GDPD4: variants seen among roughly 807,000 people sequenced by gnomAD.
GDPD4 encodes the protein glycerophosphodiester phosphodiesterase 6.
In GDPD4, 60 loss-of-function variants were observed where a neutral mutation model predicts 67.8. That is an observed-to-expected ratio of 0.88 (90% CI 0.72 to 1.10). The LOEUF (loss-of-function observed/expected upper bound fraction) is 1.10. Ranked by LOEUF, GDPD4 falls within the 50% of genes least tolerant of loss-of-function variation. GDPD4 has a pLI of 0.00. For missense variants in GDPD4, 623 were observed against 613.9 expected, an observed-to-expected ratio of 1.01 and a Z score of -0.16; for synonymous variants, 212 against 210.9, an observed-to-expected ratio of 1.00 and a Z score of -0.04.
chr11:77,299,917 T>G (rs1350178232), intron 1 of GDPD4, among the ~76,000 whole-genome samples: 2 of 152,208 alleles, frequency 1.3e-5, no homozygotes, highest in Non-Finnish European at 2.9e-5. Flanking sequence ...AAGTAAACTA[T>G]GAGGCATAAA....
chr11:77,218,853 G>T (rs531969783), intron 16 of GDPD4, among the ~76,000 whole-genome samples: 1 of 151,388 alleles, frequency 6.6e-6, no homozygotes, highest in Non-Finnish European at 1.5e-5. Flanking sequence ...TAAACAATAC[G>T]TGTGCATGTG....
intron 2 of GDPD4, among the ~76,000 whole-genome samples, chr11:77,285,597 A>T (rs972070769): frequency 6.6e-6 from 1 of 152,340 alleles, no homozygotes; most frequent in East Asian, 1.9e-4. Context: ...TTAGTCATCA[A>T]TCTACCCCAT....
intron 13 of GDPD4, among the ~76,000 whole-genome samples, chr11:77,240,260 C>T (rs963787844): frequency 1.3e-5 from 2 of 152,042 alleles, no homozygotes; most frequent in Non-Finnish European, 2.9e-5. Flanking sequence ...ATGTGATAAT[C>T]AAAACAGCAT....
intron 13 of GDPD4, among the ~76,000 whole-genome samples, chr11:77,242,684 C>G (rs1257851684): frequency 1.3e-5 from 2 of 150,838 alleles, no homozygotes; most frequent in Non-Finnish European, 3.0e-5. Context: ...GAGCCATTTT[C>G]TATTTGAAAA....
chr11:77,295,048 A>C (rs1363179852), intron 1 of GDPD4, among the ~76,000 whole-genome samples: 3 of 148,132 alleles, frequency 2.0e-5, no homozygotes, highest in Non-Finnish European at 3.0e-5. Context: ...AGCTCACTAC[A>C]ACCTCTGCCT....
chr11:77,241,408 C>G (rs1958661547), intron 13 of GDPD4, among the ~76,000 whole-genome samples: 1 of 152,052 alleles, frequency 6.6e-6, no homozygotes, highest in South Asian at 2.1e-4. Context: ...CGGTGGCTCA[C>G]ACCTATAATT....
intron 11 of GDPD4, among the ~76,000 whole-genome samples, chr11:77,251,813 C>T (rs1479729875): frequency 6.6e-6 from 1 of 152,178 alleles, no homozygotes. Flanking sequence ...CTCTTTCCCT[C>T]AGGAACATCT....
At chr11:77,291,462 T>C (rs1937774131) in intron 1 of GDPD4, among the ~76,000 whole-genome samples, 2 of 152,258 alleles carry the variant, frequency 1.3e-5, no homozygotes, top group South Asian at 2.1e-4. Context: ...GATAGCATAG[T>C]AGGGTGACTA....
At chr11:77,264,005 G>A (rs897784255) in intron 10 of GDPD4, among the ~76,000 whole-genome samples, 10 of 152,118 alleles carry the variant, frequency 6.6e-5, no homozygotes, top group African/African-American at 2.4e-4. Flanking sequence ...TGGTCCACAC[G>A]AGGAGGTCAA....
chr11:77,247,707 T>C (rs1004575043), intron 11 of GDPD4, among the ~76,000 whole-genome samples: 2 of 152,146 alleles, frequency 1.3e-5, no homozygotes, highest in Non-Finnish European at 2.9e-5. Flanking sequence ...TGTAGACATA[T>C]TACAAAAAGA....
At chr11:77,273,848 C>T (rs569293156) in intron 5 of GDPD4, among the ~76,000 whole-genome samples, 1 of 152,332 alleles carries the variant, frequency 6.6e-6, no homozygotes, top group Non-Finnish European at 1.5e-5. Context: ...CTCCCTATAT[C>T]GTGTTCTCTG....
chr11:77,255,471 G>A (rs549562782), intron 11 of GDPD4, among the ~76,000 whole-genome samples: 1 of 152,218 alleles, frequency 6.6e-6, no homozygotes, highest in African/African-American at 2.4e-5. Context: ...GGCTGAAGGA[G>A]GAGAACTGCT....
rs1456407048 is a variant in GDPD4 at position 77,258,341 on chromosome 11, AC to A, written c.864+44del. 3.2e-6 allele frequency: 5 copies of A among 1,583,338 alleles called. No individual in the cohort carries two copies. The Admixed American group carries it at 6.7e-5, about 21-fold the overall frequency. On this transcript the variant is annotated intron_variant, in intron 11 of 16. Coordinates refer to ENST00000315938, the MANE Select transcript of GDPD4 (RefSeq NM_182833.3). ...TTTCAGGAGCAGCACATGATCTCTT[AC>A]AAAAATTCAATGCAGGTTTGTGGAA... is the stretch of plus-strand genomic sequence containing the variant.
intron 16 of GDPD4, 76 bp from the exon 17 acceptor site, chr11:77,217,390 T>TATCTC: frequency 8.4e-7 from 1 of 1,191,850 alleles, no homozygotes; most frequent in Admixed American, 1.7e-5. Flanking sequence ...AAATTCAAGT[T>TATCTC]ATCTCTTAAA....
intron 10 of GDPD4, among the ~76,000 whole-genome samples, chr11:77,263,548 T>C (rs1473437488): frequency 6.6e-6 from 1 of 152,202 alleles, no homozygotes; most frequent in Non-Finnish European, 1.5e-5. Flanking sequence ...AAAATGATAG[T>C]GCACTTGCCA....
At chr11:77,289,155 A>C (rs892144755) in intron 1 of GDPD4, among the ~76,000 whole-genome samples, 1 of 152,140 alleles carries the variant, frequency 6.6e-6, no homozygotes, top group Non-Finnish European at 1.5e-5. Flanking sequence ...TGAGGTCAGG[A>C]GTTCGAGACC....
chr11:77,262,221 G>A (rs1959133091), intron 10 of GDPD4, among the ~76,000 whole-genome samples: 1 of 152,084 alleles, frequency 6.6e-6, no homozygotes, highest in Non-Finnish European at 1.5e-5. Context: ...CCCTATACCT[G>A]GCACTCAAGA....
chr11:77,274,464 A>C (rs1235075584), intron 5 of GDPD4, among the ~76,000 whole-genome samples: 2 of 152,084 alleles, frequency 1.3e-5, no homozygotes, highest in Admixed American at 1.3e-4. Context: ...GTGAGTTCAC[A>C]TGAGATCTGG....
chr11:77,300,096 C>T (rs977593626), intron 1 of GDPD4, among the ~76,000 whole-genome samples: 1 of 151,988 alleles, frequency 6.6e-6, no homozygotes, highest in Non-Finnish European at 1.5e-5. Flanking sequence ...CGTAAAGCAA[C>T]CTTTTTTGAT....
Sources: allele counts gnomAD v4.1 joint callset (sites outside exome capture counted in the v4.1 genomes callset), GRCh38; gene constraint gnomAD v4.1.1; transcripts MANE v1.5; gene names NCBI Gene and HGNC (gene_info 2026-07-23, HGNC 2026-07-21).